Variants in HERC5 observed in about 807,000 individuals in gnomAD.
HERC5 encodes HECT and RLD domain containing E3 ubiquitin protein ligase 5.
In HERC5, 99 loss-of-function variants were observed where a neutral mutation model predicts 119.6. That is an observed-to-expected ratio of 0.83 (90% CI 0.70 to 0.98). The LOEUF (loss-of-function observed/expected upper bound fraction) is 0.98. Among genes scored for constraint, HERC5 ranks in the 50% least tolerant of loss-of-function variants. HERC5 has a pLI of 0.00. For missense variants in HERC5, 1,267 were observed against 1,241.3 expected, an observed-to-expected ratio of 1.02 and a Z score of -0.31; for synonymous variants, 478 against 445.9, an observed-to-expected ratio of 1.07 and a Z score of -0.91.
At chr4:88,477,547 G>T (rs1336008035) in intron 12 of HERC5, among the ~76,000 whole-genome samples, 1 of 100,824 alleles carries the variant, frequency 9.9e-6, no homozygotes, top group African/African-American at 3.8e-5. Flanking sequence ...AAGGGGAAGT[G>T]GGGGAGGGGA....
In HERC5 at chr4:88,468,435, C is replaced by T. The variant is rs146953973; in HGVS notation, c.1134+13C>T. ...GATAAAGAAAGAGGTAAAAATAGAT[C>T]TCCAGGTGTTCTATAACCTGGTATT... is the stretch of plus-strand genomic sequence containing the variant. On this transcript the variant is annotated intron_variant, in intron 8 of 22. Coordinates refer to ENST00000264350, the MANE Select transcript of HERC5 (RefSeq NM_016323.4). 1 of 1,568,902 alleles carries T rather than the reference C, an allele frequency of 6.4e-7. No homozygotes were observed. Among genetic ancestry groups the T allele is most frequent in the Non-Finnish European group, 8.8e-7 (1 of 1,142,678 alleles).
intron 13 of HERC5, among the ~76,000 whole-genome samples, chr4:88,480,478 T>C (rs1741244558): frequency 6.6e-6 from 1 of 151,942 alleles, no homozygotes; most frequent in Non-Finnish European, 1.5e-5. Context: ...AGTTCCTCTA[T>C]GAGAAAACAT....
chr4:88,478,574 G>A (rs1429495434), intron 12 of HERC5, among the ~76,000 whole-genome samples: 2 of 151,872 alleles, frequency 1.3e-5, no homozygotes, highest in Non-Finnish European at 2.9e-5. Context: ...GGATTTTATT[G>A]TTGTTAAATA....
At chr4:88,464,427 A>G (rs188373100) in intron 6 of HERC5, among the ~76,000 whole-genome samples, 1 of 152,244 alleles carries the variant, frequency 6.6e-6, no homozygotes, top group East Asian at 1.9e-4. Flanking sequence ...GATCACAGTA[A>G]AGTATAAGAC....
chr4:88,461,774 CAGT>C (rs1284634312), intron 3 of HERC5, among the ~76,000 whole-genome samples: 3 of 152,094 alleles, frequency 2.0e-5, no homozygotes, highest in Non-Finnish European at 4.4e-5. Flanking sequence ...TGAGAGAAAA[CAGT>C]AGCGCTGGGG....
chr4:88,500,997 A>C lies in HERC5; in HGVS notation c.2582+12A>C. 6 of 1,583,948 alleles carry C rather than the reference A, an allele frequency of 3.8e-6. No homozygotes were observed. Among genetic ancestry groups the C allele is most frequent in the Non-Finnish European group, 5.2e-6 (6 of 1,157,602 alleles). On this transcript the variant is annotated intron_variant, in intron 20 of 22. Transcript: ENST00000264350. ...AACCAGACTAACAAGTAGGTACAAA[A>C]AATGAAATAGTTGGTTTGTATATGT... is the stretch of plus-strand genomic sequence containing the variant.
Position 88,475,822 on chromosome 4 carries a change from T to C in HERC5, c.1393-19T>C, listed in dbSNP as rs575798633. The C allele has an allele frequency of 6.2e-7, 1 of 1,611,014 alleles. No homozygotes were observed. Reference sequence around the variant, plus strand: ...TACTGAGTTTTGAATCCCTTTTCCCTGTTCCTTTCTGACCACAGATAACCA... The same window carrying C: ...TACTGAGTTTTGAATCCCTTTTCCCCGTTCCTTTCTGACCACAGATAACCA... On this transcript the variant is annotated intron_variant, in intron 11 of 22. Transcript: ENST00000264350.
At chr4:88,498,963 AC>A (rs2149108511) in intron 18 of HERC5, among the ~76,000 whole-genome samples, 1 of 152,332 alleles carries the variant, frequency 6.6e-6, no homozygotes, top group African/African-American at 2.4e-5. Context: ...AACAAAAACA[AC>A]CCACAATGAA....
At chr4:88,469,084 G>T in intron 8 of HERC5, 73 bp from the exon 9 acceptor site, 3 of 875,440 alleles carry the variant, frequency 3.4e-6, no homozygotes, top group South Asian at 1.4e-5. Context: ...ACTCTCTAGA[G>T]TGTACCTAAA....
intron 12 of HERC5, among the ~76,000 whole-genome samples, chr4:88,478,068 A>G (rs924169166): frequency 4.6e-5 from 7 of 152,192 alleles, no homozygotes; most frequent in African/African-American, 1.7e-4. Context: ...ATTAACTGTA[A>G]AGGAACTTTT....
At position 88,493,247 on chromosome 4, in the gene HERC5, TAGAAG is replaced by T. The variant is rs900617004; in HGVS notation, c.2277+95_2277+99del. On this transcript the variant is annotated intron_variant, in intron 17 of 22. Transcript: ENST00000264350. Reference sequence around the variant, plus strand: ...TTAGTTTGTCTAGACTATTTCATGTTAGAAGAGGAGTATTGATATAATTATGGAGA... The same window carrying T: ...TTAGTTTGTCTAGACTATTTCATGTTAGGAGTATTGATATAATTATGGAGA... 4.8e-5 allele frequency: 52 copies of T among 1,080,866 alleles called. No homozygotes were observed. The African/African-American group carries it at 5.0e-4, about 10-fold the overall frequency. The allele number at this position is 1,080,866 out of a possible 1,614,324, so 67.0% of individuals were successfully genotyped here.
At chr4:88,488,606 C>G (rs758368305) in intron 15 of HERC5, among the ~76,000 whole-genome samples, 9 of 152,006 alleles carry the variant, frequency 5.9e-5, no homozygotes, top group Non-Finnish European at 1.3e-4. Flanking sequence ...CTGTCTGTCT[C>G]TCCCACTCTC....
intron 13 of HERC5, among the ~76,000 whole-genome samples, chr4:88,481,955 A>G (rs1043370560): frequency 6.6e-6 from 1 of 152,194 alleles, no homozygotes; most frequent in African/African-American, 2.4e-5. Context: ...AACCTTCATA[A>G]TGACAGGGAG....
intron 20 of HERC5, among the ~76,000 whole-genome samples, chr4:88,503,982 T>C (rs1421773209): frequency 4.0e-5 from 6 of 151,758 alleles, no homozygotes; most frequent in African/African-American, 1.5e-4. Flanking sequence ...CAGGAGAATC[T>C]CTTGAACCCA....
At chr4:88,480,705 A>G (rs1257655566) in intron 13 of HERC5, among the ~76,000 whole-genome samples, 29 of 152,296 alleles carry the variant, frequency 1.9e-4, no homozygotes. Context: ...TTTTGAAAAT[A>G]TTTTTGATAG....
chr4:88,465,115 G>A (rs901264533), intron 6 of HERC5, among the ~76,000 whole-genome samples: 2 of 152,028 alleles, frequency 1.3e-5, no homozygotes, highest in Non-Finnish European at 2.9e-5. Context: ...GGGTTTCACC[G>A]TGTTGGCCAG....
intron 20 of HERC5, 48 bp downstream of exon 20, chr4:88,501,033 TTTTAC>T (rs1741932651): frequency 1.5e-6 from 2 of 1,295,726 alleles, no homozygotes; most frequent in Admixed American, 4.2e-5. Context: ...ACTATTTTTA[TTTTAC>T]TGAGCTCTAA....
chr4:88,457,445 C>T lies in HERC5; in HGVS notation c.176C>T (p.Ser59Leu). 7.4e-7 allele frequency: 1 copy of T among 1,349,234 alleles called. No homozygotes were observed. The highest frequency in any genetic ancestry group is 9.5e-7 in the Non-Finnish European group (1 of 1,054,066). The allele number at this position is 1,349,234 out of a possible 1,614,324, so 83.6% of individuals were successfully genotyped here. ...GAGGTGACGCGCCAACTCTGCTGCT[C>T]GCCGGGGCGCCTCGCGGTCTTGGAA... ...RVEVTRQLCC[S>L]PGRLAVLERG... The change falls in exon 1 of 23, where the codon TCG becomes TTG. Residue 59 changes from serine (S) to leucine (L), a missense_variant. Ser to Leu is a moderately radical substitution (Grantham distance 145). This residue lies in a region of HERC5 where 777 missense variants were observed against 758.0 expected (regional missense o/e 1.03). Transcript: ENST00000264350.
chr4:88,468,707 A>G (rs1740761901), intron 8 of HERC5, among the ~76,000 whole-genome samples: 1 of 152,214 alleles, frequency 6.6e-6, no homozygotes, highest in Non-Finnish European at 1.5e-5. Context: ...CTTGCAAACA[A>G]CAGAGTGACA....
Sources: gnomAD v4.1 joint callset for allele counts (sites outside exome capture counted in the v4.1 genomes callset) on GRCh38, gnomAD v4.1.1 for gene constraint, gnomAD v4.1.1 regional missense constraint, MANE v1.5 for transcripts, NCBI Gene and HGNC (gene_info 2026-07-23, HGNC 2026-07-21) for gene names.